SSBP2: variants seen among roughly 807,000 people sequenced by gnomAD.
The protein encoded by SSBP2 is single-stranded DNA-binding protein 2.
A neutral mutation model predicts 61.8 loss-of-function variants in SSBP2; 17 were observed. The observed-to-expected ratio is 0.28, with a 90% CI of 0.19 to 0.41. SSBP2 has a LOEUF of 0.41. Ranked by LOEUF, SSBP2 falls within the 10% of genes least tolerant of loss-of-function variation. The pLI is 1.00. For missense variants in SSBP2, 310 were observed against 458.7 expected (o/e 0.68, Z 2.96); for synonymous variants, 139 against 141.3 (o/e 0.98, Z 0.12).
chr5:81,576,752 T>C (rs1054659580), intron 4 of SSBP2, among the ~76,000 whole-genome samples: 3 of 152,150 alleles, frequency 2.0e-5, no homozygotes, highest in Non-Finnish European at 4.4e-5. Context: ...AATTATATCC[T>C]TAACTCTAGA....
At chr5:81,498,294 T>C (rs943277027) in intron 5 of SSBP2, among the ~76,000 whole-genome samples, 2 of 152,052 alleles carry the variant, frequency 1.3e-5, no homozygotes, top group African/African-American at 2.4e-5. Flanking sequence ...CAAAGTGAAA[T>C]ACAGCCTGGA....
chr5:81,598,724 G>C (rs1744042663), intron 4 of SSBP2, among the ~76,000 whole-genome samples: 1 of 151,920 alleles, frequency 6.6e-6, no homozygotes, highest in Admixed American at 6.6e-5. Flanking sequence ...TTCTTAATTG[G>C]GTCCTCAAAT....
chr5:81,570,075 G>A (rs1773723997), intron 4 of SSBP2, among the ~76,000 whole-genome samples: 1 of 152,140 alleles, frequency 6.6e-6, no homozygotes, highest in South Asian at 2.1e-4. Flanking sequence ...ATAATTAAGT[G>A]ATATACTACT....
chr5:81,432,217 A>G (rs1762333844), intron 15 of SSBP2, among the ~76,000 whole-genome samples: 1 of 152,046 alleles, frequency 6.6e-6, no homozygotes, highest in South Asian at 2.1e-4. Context: ...ACATGAGATG[A>G]TGGTGTAGAT....
At chr5:81,697,835 C>T (rs1195769064) in intron 1 of SSBP2, among the ~76,000 whole-genome samples, 3 of 152,096 alleles carry the variant, frequency 2.0e-5, no homozygotes, top group African/African-American at 7.2e-5. Context: ...GTAATAATTA[C>T]TCAAATATCC....
rs532004773 is a variant in SSBP2 at position 81,575,663 on chromosome 5, C to A, written c.282+39810G>T. On this transcript the variant is annotated intron_variant, in intron 4 of 16. Transcript: ENST00000320672. ...AATAGTAAAACCATAGATTTAAACC[C>A]AAATATATCAGTAATTACATTAAGT... 5.3e-5 allele frequency among the ~76,000 whole-genome samples: 8 copies of A among 151,894 alleles called. No homozygotes were observed. The South Asian group carries it at 1.5e-3, about 28-fold the overall frequency.
chr5:81,523,795 A>G (rs1769688989), intron 4 of SSBP2, among the ~76,000 whole-genome samples: 1 of 152,026 alleles, frequency 6.6e-6, no homozygotes, highest in Non-Finnish European at 1.5e-5. Flanking sequence ...CCGCCAACAC[A>G]CAGACAAATA....
chr5:81,489,177 GGAT>G (rs1220307171), intron 6 of SSBP2, 70 bp downstream of exon 6: 6 of 1,272,938 alleles, frequency 4.7e-6, no homozygotes, highest in Non-Finnish European at 5.6e-6. Flanking sequence ...TATTTTTACA[GGAT>G]GATAAATATA....
rs2153983781 is a variant in SSBP2, at chr5:81,453,312, C to A, written c.688-4487G>T. The stretch of plus-strand genomic sequence containing the variant: ...ACAGAGTGAGACCCTGTCCCCCCAC[C>A]CCACCAAAAAAAAGAGATAGAGAAA... On this transcript the variant is annotated intron_variant, in intron 10 of 16. Transcript: ENST00000320672. 2.0e-5 allele frequency among the ~76,000 whole-genome samples: 3 copies of A among 150,906 alleles called. 1 individual carries two copies. The South Asian group carries it at 6.3e-4, about 32-fold the overall frequency.
chr5:81,603,803 TA>T (rs1744614378), intron 4 of SSBP2, among the ~76,000 whole-genome samples: 1 of 152,152 alleles, frequency 6.6e-6, no homozygotes, highest in Non-Finnish European at 1.5e-5. Flanking sequence ...TTAAATTTTA[TA>T]AAAAATAGTT....
chr5:81,514,476 T>C (rs10045115), intron 4 of SSBP2, among the ~76,000 whole-genome samples: 19,394 of 152,108 alleles, frequency 0.13, 1,400 homozygotes, highest in African/African-American at 0.2. Flanking sequence ...ATAGATTTAA[T>C]ACTTACATAG....
At chr5:81,662,017 C>G (rs775378116) in intron 1 of SSBP2, among the ~76,000 whole-genome samples, 40 of 152,080 alleles carry the variant, frequency 2.6e-4, no homozygotes, top group Non-Finnish European at 5.3e-4. Flanking sequence ...TGATTTTTGT[C>G]TGCGTTATGA....
chr5:81,599,004 G>GCAATA (rs1225007843), intron 4 of SSBP2, among the ~76,000 whole-genome samples: 6 of 152,232 alleles, frequency 3.9e-5, no homozygotes, highest in Admixed American at 6.5e-5. Flanking sequence ...GCAGTATGAA[G>GCAATA]CAATAACCTA....
At chr5:81,579,904 T>A (rs1482013391) in intron 4 of SSBP2, among the ~76,000 whole-genome samples, 3 of 152,254 alleles carry the variant, frequency 2.0e-5, no homozygotes, top group Admixed American at 2.0e-4. Flanking sequence ...TTGCACCACA[T>A]ATGTATTCAC....
chr5:81,733,495 CTG>C lies in SSBP2; in HGVS notation c.62+17484_62+17485del, dbSNP rs1756399832. Among the ~76,000 whole-genome samples, 2 of 151,980 alleles carry C rather than the reference CTG, an allele frequency of 1.3e-5. 1 individual carries two copies. Among genetic ancestry groups the C allele is most frequent in the South Asian group, 4.1e-4 (2 of 4,826 alleles). On this transcript the variant is annotated intron_variant, in intron 1 of 16. Transcript: ENST00000320672. ...AGACGGAAACTCATTGGTCTTAACA[CTG>C]AAATAGTCTCACTAGTAAACTATAT... is the stretch of plus-strand genomic sequence containing the variant.
At chr5:81,733,659 T>A (rs1247275131) in intron 1 of SSBP2, among the ~76,000 whole-genome samples, 3 of 152,186 alleles carry the variant, frequency 2.0e-5, no homozygotes, top group South Asian at 2.1e-4. Context: ...AAATTATTAA[T>A]CCTATATTTT....
chr5:81,520,277 G>T (rs115082407), intron 4 of SSBP2, among the ~76,000 whole-genome samples: 2 of 152,070 alleles, frequency 1.3e-5, no homozygotes, highest in African/African-American at 4.8e-5. Flanking sequence ...GAGCCACCAC[G>T]CCTGGTCTAT....
Position 81,442,714 on chromosome 5 carries a change from T to G in SSBP2, c.788A>C (p.Asn263Thr). 2 of 1,564,986 alleles carry G rather than the reference T, an allele frequency of 1.3e-6. No homozygotes were observed. Among genetic ancestry groups the G allele is most frequent in the Non-Finnish European group, 8.7e-7 (1 of 1,147,612 alleles). ...TAAAGTATACATGTTATCACCAGAG[T>G]TGGTTGAATCTGAAACAAAATATTA... Residue 263 changes from asparagine to threonine, a missense_variant, in exon 13 of 17, where the codon AAC becomes ACC. Asn to Thr is a moderately conservative substitution (Grantham distance 65). Coordinates refer to ENST00000320672, the MANE Select transcript of SSBP2 (RefSeq NM_012446.5).
intron 4 of SSBP2, among the ~76,000 whole-genome samples, chr5:81,563,949 G>A (rs1024720766): frequency 2.6e-5 from 4 of 152,114 alleles, no homozygotes; most frequent in Non-Finnish European, 5.9e-5. Flanking sequence ...GGCAACCCAT[G>A]GAATGGAAGA....
Sources: gnomAD v4.1 joint callset for allele counts (sites outside exome capture counted in the v4.1 genomes callset) on GRCh38, gnomAD v4.1.1 for gene constraint, MANE v1.5 for transcripts, NCBI Gene and HGNC (gene_info 2026-07-23, HGNC 2026-07-21) for gene names.